The following TUT7 variants were observed in gnomAD, a reference collection of about 807,000 sequenced individuals.
The protein encoded by TUT7 is terminal uridylyltransferase 7.
TUT7 carries 33 observed loss-of-function variants against 165.9 expected under a neutral mutation model. The ratio of observed to expected loss-of-function variants is 0.20; its 90% CI spans 0.15 to 0.27. The LOEUF is 0.27. Among genes scored for constraint, TUT7 ranks in the 10% least tolerant of loss-of-function variants. The pLI, the probability that TUT7 is intolerant of heterozygous loss-of-function variation, is 1.00. For synonymous variants in TUT7, 552 were observed against 608.1 expected, an observed-to-expected ratio of 0.91 and a Z score of 1.36; for missense variants, 1,338 against 1,762.3, an observed-to-expected ratio of 0.76 and a Z score of 4.31.
In TUT7 at chr9:86,340,995, GC is replaced by G. The variant is rs757543002; in HGVS notation, c.1138+6del. The G allele has an allele frequency of 4.4e-6, 7 of 1,608,716 alleles. No individual in the cohort carries two copies. The highest frequency in any genetic ancestry group is 5.9e-6 in the Non-Finnish European group (7 of 1,176,970). ...AAAAATTTTTTAAATGTGGAATTTG[GC>G]CTTACCACTGTTCTTTAAACATTCT... On this transcript the variant is annotated splice_donor_region_variant and intron_variant, in intron 7 of 26. Transcript: ENST00000375963.
Position 86,341,022 on chromosome 9 carries a change from T to C in TUT7, c.1118A>G (p.Gln373Arg). 6.2e-7 allele frequency: 1 copy of C among 1,611,916 alleles called. No homozygotes were observed. Among genetic ancestry groups the C allele is most frequent in the South Asian group, 1.1e-5 (1 of 90,970 alleles). The change falls in exon 7 of 27, where the codon CAA becomes CGA. Residue 373 changes from glutamine to arginine, a missense_variant. Gln to Arg is a conservative substitution (Grantham distance 43). Transcript: ENST00000375963. The stretch of plus-strand genomic sequence containing the variant: ...CTTACCACTGTTCTTTAAACATTCT[T>C]GAACAAGTAAGAGGACATCTGGCTG... Reference protein sequence around the residue: ...MSQPDVLLLVQECLKNSDSFI... With the variant: ...MSQPDVLLLVRECLKNSDSFI...
intron 6 of TUT7, among the ~76,000 whole-genome samples, chr9:86,342,416 T>C (rs918258562): frequency 2.6e-5 from 4 of 152,188 alleles, no homozygotes; most frequent in African/African-American, 9.7e-5. Flanking sequence ...TTTGTTTTTT[T>C]AAGAGATAGG....
intron 6 of TUT7, among the ~76,000 whole-genome samples, chr9:86,342,037 T>C (rs1448828064): frequency 6.6e-6 from 1 of 152,194 alleles, no homozygotes; most frequent in African/African-American, 2.4e-5. Context: ...ATAACTGCTA[T>C]GGCTGGTAAA....
In TUT7 at chr9:86,290,822, T is replaced by G. The variant is rs12237881; in HGVS notation, c.4421-2078A>C. On this transcript the variant is annotated intron_variant, in intron 26 of 26. Transcript: ENST00000375963. ...TTGCAGTAAGCCAAGATCATGCCAT[T>G]GCACTCCAGCCTGGGCGACAGAGCA... is the stretch of plus-strand genomic sequence containing the variant. Among the ~76,000 whole-genome samples, 4,152 of 151,906 alleles carry G rather than the reference T, an allele frequency of 0.027. 401 individuals are homozygous for G. The East Asian group carries it at 0.35, about 13-fold the overall frequency.
chr9:86,353,667 A>G (rs1832494110), intron 1 of TUT7, among the ~76,000 whole-genome samples: 1 of 152,204 alleles, frequency 6.6e-6, no homozygotes, highest in South Asian at 2.1e-4. Flanking sequence ...AGTGTTATAC[A>G]CCGAAACTTT....
chr9:86,291,464 G>A (rs192805005), intron 26 of TUT7, among the ~76,000 whole-genome samples: 120 of 151,554 alleles, frequency 7.9e-4, no homozygotes, highest in African/African-American at 2.7e-3. Context: ...CCAGCCATTC[G>A]AGAGACAGGA....
chr9:86,299,856 G>A (rs574312380), intron 26 of TUT7, among the ~76,000 whole-genome samples: 5 of 152,228 alleles, frequency 3.3e-5, no homozygotes, highest in East Asian at 1.9e-4. Flanking sequence ...CACAGGCCTC[G>A]AGTAATTTTA....
intron 11 of TUT7, among the ~76,000 whole-genome samples, chr9:86,326,986 TTATTA>T (rs1366780433): frequency 6.6e-6 from 1 of 152,224 alleles, no homozygotes; most frequent in Non-Finnish European, 1.5e-5. Context: ...CAATCATACT[TTATTA>T]TATTAAGCTT....
At chr9:86,294,851 A>G (rs1041964819) in intron 26 of TUT7, among the ~76,000 whole-genome samples, 11 of 151,554 alleles carry the variant, frequency 7.3e-5, no homozygotes, top group African/African-American at 2.7e-4. Flanking sequence ...TTAACTCGTC[A>G]TTTAGCATTA....
At chr9:86,292,806 A>G (rs1269988700) in intron 26 of TUT7, among the ~76,000 whole-genome samples, 1 of 152,024 alleles carries the variant, frequency 6.6e-6, no homozygotes, top group African/African-American at 2.4e-5. Flanking sequence ...AAACAATGCC[A>G]ATTCTCTAGA....
Position 86,305,038 on chromosome 9 carries a change from G to A in TUT7, c.3887-91C>T, listed in dbSNP as rs1827330737. Reference sequence around the variant, plus strand: ...AAACTACCTGGGCCTGGTGGCGCCTGTTATTCTAGCACTCTGGGAGGCTGG... The same window carrying A: ...AAACTACCTGGGCCTGGTGGCGCCTATTATTCTAGCACTCTGGGAGGCTGG... On this transcript the variant is annotated intron_variant, in intron 23 of 26. Coordinates refer to ENST00000375963, the MANE Select transcript of TUT7 (RefSeq NM_024617.4). The A allele has an allele frequency of 5.8e-6, 7 of 1,209,910 alleles. No homozygotes were observed. The South Asian group carries it at 8.1e-5, about 14-fold the overall frequency. The allele number at this position is 1,209,910 out of a possible 1,614,324, so 74.9% of individuals were successfully genotyped here.
intron 10 of TUT7, among the ~76,000 whole-genome samples, chr9:86,333,385 T>C (rs1830491784): frequency 6.6e-6 from 1 of 152,248 alleles, no homozygotes; most frequent in Admixed American, 6.5e-5. Flanking sequence ...GTTTCAACCT[T>C]GACTAACTGA....
intron 22 of TUT7, 59 bp from the exon 23 acceptor site, chr9:86,305,298 C>T: frequency 8.7e-7 from 1 of 1,147,342 alleles, no homozygotes; most frequent in Non-Finnish European, 1.3e-6. Context: ...CACCATTCAT[C>T]CAATAAGTAA....
intron 26 of TUT7, among the ~76,000 whole-genome samples, chr9:86,289,849 T>C (rs1825781922): frequency 6.6e-6 from 1 of 152,124 alleles, no homozygotes; most frequent in Admixed American, 6.6e-5. Flanking sequence ...TAAATAAATA[T>C]TCATAAAAAC....
Position 86,345,125 on chromosome 9 carries a change from C to A in TUT7, c.849G>T (p.Thr283=). 1.2e-6 allele frequency: 2 copies of A among 1,609,812 alleles called. No homozygotes were observed. The highest frequency in any genetic ancestry group is 1.7e-6 in the Non-Finnish European group (2 of 1,178,704). ...KEKQEEELLT[T]LPPPTPSQIN... ...TCTGGGAGGGTGTTGGTGGGGGTAA[C>A]GTAGTGAGCAACTCTTCCTCTTGCT... Residue 283 remains threonine (T), a synonymous_variant, in exon 5 of 27, where the codon ACG becomes ACT. Transcript: ENST00000375963.
intron 7 of TUT7, among the ~76,000 whole-genome samples, chr9:86,340,641 A>G (rs1831245205): frequency 1.3e-5 from 2 of 152,252 alleles, no homozygotes; most frequent in South Asian, 4.1e-4. Flanking sequence ...GGGTTGGGTT[A>G]CACCTATTCA....
chr9:86,314,224 T>C (rs1191747376), intron 17 of TUT7, among the ~76,000 whole-genome samples: 3 of 152,176 alleles, frequency 2.0e-5, no homozygotes, highest in Non-Finnish European at 4.4e-5. Flanking sequence ...GGCCCTTTTC[T>C]TCACATCCTT....
At chr9:86,302,001 A>G (rs1412278319) in intron 25 of TUT7, among the ~76,000 whole-genome samples, 1 of 152,220 alleles carries the variant, frequency 6.6e-6, no homozygotes, top group Non-Finnish European at 1.5e-5. Flanking sequence ...GCTTAAATTC[A>G]CAAAGGAACA....
intron 10 of TUT7, among the ~76,000 whole-genome samples, chr9:86,334,839 A>G (rs927351428): frequency 6.6e-6 from 1 of 151,948 alleles, no homozygotes; most frequent in Non-Finnish European, 1.5e-5. Flanking sequence ...CAGGAAGAGG[A>G]CTGATTTTTG....
Sources: gnomAD v4.1 joint callset for allele counts (sites outside exome capture counted in the v4.1 genomes callset) on GRCh38, gnomAD v4.1.1 for gene constraint, MANE v1.5 for transcripts, NCBI Gene and HGNC (gene_info 2026-07-23, HGNC 2026-07-21) for gene names.